The following KDM2B variants were observed in gnomAD, a reference collection of about 807,000 sequenced individuals.
KDM2B encodes the protein lysine demethylase 2B, also known as lysine-specific demethylase 2B.
Under a neutral mutation model 150.0 loss-of-function variants are expected in KDM2B, and 26 were observed. The ratio of observed to expected loss-of-function variants is 0.17; its 90% CI spans 0.13 to 0.24. The LOEUF (loss-of-function observed/expected upper bound fraction) is 0.24. Among genes scored for constraint, KDM2B ranks in the 10% least tolerant of loss-of-function variants. The pLI, the probability that KDM2B is intolerant of heterozygous loss-of-function variation, is 1.00. For synonymous variants in KDM2B, 734 were observed against 729.5 expected (o/e 1.01, Z -0.10); for missense variants, 1,265 against 1,816.9 (o/e 0.70, Z 5.52).
At chr12:121,500,332 A>C (rs532503831) in intron 11 of KDM2B, among the ~76,000 whole-genome samples, 2 of 152,230 alleles carry the variant, frequency 1.3e-5, no homozygotes, top group Admixed American at 6.5e-5. Flanking sequence ...GTCCCCTCCG[A>C]AAGTCCAGGG....
the KDM2B span, among the ~76,000 whole-genome samples, chr12:121,423,174 T>C: frequency 6.6e-6 from 1 of 152,262 alleles, no homozygotes; most frequent in South Asian, 2.1e-4. This position sits in a 1 kb window ranked among gnomAD's most constrained non-coding sequence, Gnocchi z 4.3. Context: ...TTTTATTCTT[T>C]ACAAAACCCT....
chr12:121,511,930 A>G (rs1345455320), intron 10 of KDM2B, among the ~76,000 whole-genome samples: 3 of 152,148 alleles, frequency 2.0e-5, no homozygotes, highest in Admixed American at 2.0e-4. Flanking sequence ...CAGAGGGAAA[A>G]CAGTGGCAGG....
chr12:121,451,462 C>T (rs1203284942), intron 13 of KDM2B, among the ~76,000 whole-genome samples: 2 of 147,798 alleles, frequency 1.4e-5, no homozygotes, highest in Non-Finnish European at 3.0e-5. Flanking sequence ...TCAGATGGTG[C>T]CCCAACCCTT....
At chr12:121,471,993 C>T (rs1880821485) in intron 12 of KDM2B, among the ~76,000 whole-genome samples, 1 of 152,094 alleles carries the variant, frequency 6.6e-6, no homozygotes, top group Admixed American at 6.6e-5. Flanking sequence ...CATGGTGACG[C>T]GTGCCTATAA....
At chr12:121,466,399 A>C (rs575882370) in intron 12 of KDM2B, among the ~76,000 whole-genome samples, 4 of 152,138 alleles carry the variant, frequency 2.6e-5, no homozygotes, top group Non-Finnish European at 5.9e-5. Flanking sequence ...TCACGCCGTA[A>C]ACACACCCAG....
intron 8 of KDM2B, among the ~76,000 whole-genome samples, chr12:121,531,730 C>A (rs1450040556): frequency 3.3e-5 from 5 of 152,154 alleles, no homozygotes; most frequent in African/African-American, 1.2e-4. Flanking sequence ...GATGTGGTTT[C>A]CAGACACACC....
At chr12:121,576,498 C>T (rs1555316884) in intron 2 of KDM2B, among the ~76,000 whole-genome samples, 3 of 152,148 alleles carry the variant, frequency 2.0e-5, no homozygotes, top group African/African-American at 7.2e-5. Context: ...ACAGTCCTTG[C>T]TTCAGCTGGA....
intron 12 of KDM2B, among the ~76,000 whole-genome samples, chr12:121,489,049 C>A (rs1883070990): frequency 6.6e-6 from 1 of 151,816 alleles, no homozygotes; most frequent in African/African-American, 2.4e-5. Context: ...CTCAGGTGAT[C>A]CGCCCACCTC....
upstream of KDM2B, chr12:121,581,315 G>T: frequency 5.9e-6 from 1 of 169,226 alleles, no homozygotes; most frequent in Non-Finnish European, 1.3e-5. Context: ...AAGGTGCATG[G>T]TGCTCTGGGA....
At position 121,521,968 on chromosome 12, in the gene KDM2B, G is replaced by T. The variant is rs1329819104; in HGVS notation, c.932-868C>A. Among the ~76,000 whole-genome samples the T allele has an allele frequency of 6.6e-6, 1 of 152,096 alleles. No homozygotes were observed. Among genetic ancestry groups the T allele is most frequent in the Non-Finnish European group, 1.5e-5 (1 of 68,042 alleles). ...TAAAAAAAATTAAATAAATAGCAGGGCATGGTGGTGCACACCTGCGGTCCC... is the reference window on the plus strand; with the variant it reads ...TAAAAAAAATTAAATAAATAGCAGGTCATGGTGGTGCACACCTGCGGTCCC... On this transcript the variant is annotated intron_variant, in intron 8 of 22. Transcript: ENST00000377071. This position sits in a 1 kb window ranked among gnomAD's most constrained non-coding sequence, Gnocchi z 4.9.
chr12:121,507,159 CAA>C (rs542801082), intron 11 of KDM2B, among the ~76,000 whole-genome samples: 212 of 142,922 alleles, frequency 1.5e-3, no homozygotes, highest in African/African-American at 5.3e-3. Context: ...CTAGGTTATA[CAA>C]AAAAGACAGC....
Position 121,533,001 on chromosome 12 carries a change from A to C in KDM2B, c.778-42T>G. The C allele has an allele frequency of 1.9e-6, 3 of 1,610,842 alleles. No homozygotes were observed. The highest frequency in any genetic ancestry group is 2.5e-6 in the Non-Finnish European group (3 of 1,178,104). ...GGCAGTCAGCTGGAGACCCAGGCCC[A>C]GACAAGACCCAGAGAGAGGGCCCCA... On this transcript the variant is annotated intron_variant, in intron 7 of 22. Transcript: ENST00000377071. The surrounding 1 kb of genome is among the most constrained non-coding windows in gnomAD (Gnocchi z 4.1).
chr12:121,557,231 ATTTTTT>A (rs142679491), intron 4 of KDM2B, among the ~76,000 whole-genome samples: 1 of 103,716 alleles, frequency 9.6e-6, no homozygotes, highest in Admixed American at 1.1e-4. Flanking sequence ...AGACAAGAGA[ATTTTTT>A]TTTTTTTTTT....
At chr12:121,420,307 T>G in the KDM2B span, 2 of 1,582,294 alleles carry the variant, frequency 1.3e-6, no homozygotes, top group Admixed American at 1.8e-5. Context: ...AGGATGATGA[T>G]GATGAAGAAG....
At chr12:121,420,838 GTTGTTT>G in the KDM2B span, 3 of 1,310,542 alleles carry the variant, frequency 2.3e-6, no homozygotes, top group Middle Eastern at 1.9e-4. Context: ...TAAAAACTGG[GTTGTTT>G]TTGTCACAAT....
intron 12 of KDM2B, among the ~76,000 whole-genome samples, chr12:121,459,324 C>G (rs1878761842): frequency 6.6e-6 from 1 of 152,174 alleles, no homozygotes; most frequent in Non-Finnish European, 1.5e-5. Context: ...TAGCTATCCA[C>G]AAGCAAAAGA....
At chr12:121,562,904 G>A (rs1330170621) in intron 4 of KDM2B, among the ~76,000 whole-genome samples, 1 of 152,130 alleles carries the variant, frequency 6.6e-6, no homozygotes, top group Non-Finnish European at 1.5e-5. Context: ...AAAGATAGGT[G>A]ATTATTAGTA....
chr12:121,450,325 AG>A (rs1251926900), intron 13 of KDM2B, among the ~76,000 whole-genome samples: 1 of 151,660 alleles, frequency 6.6e-6, no homozygotes. Context: ...AAAAAAAAAA[AG>A]AAAGAAAAAA....
intron 12 of KDM2B, among the ~76,000 whole-genome samples, chr12:121,477,183 C>T (rs1555296917): frequency 6.6e-6 from 1 of 152,036 alleles, no homozygotes; most frequent in Non-Finnish European, 1.5e-5. Flanking sequence ...AAGCAATCCC[C>T]CCATCTCATC....
Sources: allele counts gnomAD v4.1 joint callset (sites outside exome capture counted in the v4.1 genomes callset), GRCh38; gene constraint gnomAD v4.1.1; non-coding constraint Gnocchi (gnomAD v3.1); transcripts MANE v1.5; gene names NCBI Gene and HGNC (gene_info 2026-07-23, HGNC 2026-07-21).